PCNX2: variants seen among roughly 807,000 people sequenced by gnomAD.
PCNX2 encodes pecanex 2, also known as pecanex-like protein 2.
In PCNX2, 168 loss-of-function variants were observed where a neutral mutation model predicts 223.8. The observed-to-expected ratio is 0.75, with a 90% confidence interval of 0.66 to 0.85. The LOEUF (loss-of-function observed/expected upper bound fraction) is 0.85. Ranked by LOEUF, PCNX2 falls within the 40% of genes least tolerant of loss-of-function variation. The pLI is 0.00. For missense variants in PCNX2, 2,507 were observed against 2,675.5 expected (o/e 0.94, Z 1.39); for synonymous variants, 1,006 against 1,052.6 (o/e 0.96, Z 0.86).
chr1:233,322,133 C>T, the PCNX2 span, among the ~76,000 whole-genome samples: 1 of 152,144 alleles, frequency 6.6e-6, no homozygotes, highest in Non-Finnish European at 1.5e-5. Context: ...ACAGCCATTC[C>T]TTCTTTCCTG....
At chr1:233,030,429 T>A (rs1199992371) in intron 25 of PCNX2, among the ~76,000 whole-genome samples, 2 of 152,204 alleles carry the variant, frequency 1.3e-5, no homozygotes, top group Admixed American at 1.3e-4. Context: ...ATTTTTCTGG[T>A]TAAGAGTCAC....
At chr1:233,235,957 A>ATATATATATATAT (rs1553319645) in intron 9 of PCNX2, among the ~76,000 whole-genome samples, 21 of 93,094 alleles carry the variant, frequency 2.3e-4, no homozygotes, top group Middle Eastern at 7.9e-3. Context: ...CATAAAAAAA[A>ATATATATATATAT]ATATATATAT....
intron 15 of PCNX2, among the ~76,000 whole-genome samples, chr1:233,198,251 G>T (rs1402213137): frequency 2.0e-5 from 3 of 152,122 alleles, no homozygotes; most frequent in African/African-American, 7.2e-5. Context: ...TTTCTAATAT[G>T]GAAGACAGGA....
intron 23 of PCNX2, among the ~76,000 whole-genome samples, chr1:233,072,184 T>C (rs1029079152): frequency 4.6e-5 from 7 of 152,260 alleles, no homozygotes; most frequent in African/African-American, 1.7e-4. Context: ...TTTGTTGCAA[T>C]TGCTTTTGAT....
intron 21 of PCNX2, among the ~76,000 whole-genome samples, chr1:233,102,676 C>A (rs1404301724): frequency 6.6e-6 from 1 of 152,114 alleles, no homozygotes; most frequent in Non-Finnish European, 1.5e-5. Context: ...TGAGAAATGT[C>A]TATTCAGAAC....
In PCNX2 at chr1:233,087,342, A is replaced by G. The variant is rs1169858775; in HGVS notation, c.4076+2719T>C. 2.6e-5 allele frequency among the ~76,000 whole-genome samples: 4 copies of G among 152,298 alleles called. No homozygotes were observed. The South Asian group carries it at 6.2e-4, about 24-fold the overall frequency. On this transcript the variant is annotated intron_variant, in intron 23 of 33. Coordinates refer to ENST00000258229, the MANE Select transcript of PCNX2 (RefSeq NM_014801.4). ...ACCCCCAGCCTGGTGGCGGCAGTTC[A>G]TGGTGGTAAATGTGCTCACTAAAGC...
At chr1:233,088,203 C>T (rs1338297985) in intron 23 of PCNX2, among the ~76,000 whole-genome samples, 11 of 152,104 alleles carry the variant, frequency 7.2e-5, no homozygotes, top group African/African-American at 1.2e-4. Flanking sequence ...CTTTCCACTG[C>T]GGACACTTAA....
chr1:233,009,030 G>C (rs1257310464), intron 28 of PCNX2, among the ~76,000 whole-genome samples: 2 of 152,170 alleles, frequency 1.3e-5, no homozygotes, highest in African/African-American at 2.4e-5. Context: ...GTGGACAGCG[G>C]GACAGTGTGG....
At chr1:233,124,811 A>T (rs534121896) in intron 21 of PCNX2, among the ~76,000 whole-genome samples, 1 of 152,348 alleles carries the variant, frequency 6.6e-6, no homozygotes, top group East Asian at 1.9e-4. Context: ...CAGTAGACTA[A>T]ATCCTTCACA....
At chr1:233,294,590 A>G (rs545545645) in intron 1 of PCNX2, among the ~76,000 whole-genome samples, 47 of 152,322 alleles carry the variant, frequency 3.1e-4, no homozygotes, top group Non-Finnish European at 6.3e-4. Flanking sequence ...GTAAAGTTTA[A>G]TAAGACATGG....
intron 24 of PCNX2, among the ~76,000 whole-genome samples, 193 bp downstream of exon 24, chr1:233,057,039 C>T (rs965154479): frequency 1.3e-5 from 2 of 152,028 alleles, no homozygotes; most frequent in African/African-American, 2.4e-5. Context: ...TTCTAAATAG[C>T]GGAGCAATGC....
At chr1:233,191,406 T>C (rs1680411075) in intron 15 of PCNX2, among the ~76,000 whole-genome samples, 1 of 152,208 alleles carries the variant, frequency 6.6e-6, no homozygotes, top group African/African-American at 2.4e-5. Context: ...AGATGCTGTT[T>C]GCTATTCAGG....
chr1:233,019,423 G>A (rs1262094912), intron 26 of PCNX2, among the ~76,000 whole-genome samples: 1 of 152,206 alleles, frequency 6.6e-6, no homozygotes, highest in Non-Finnish European at 1.5e-5. Context: ...GGAAGGAAGA[G>A]AGGGAGTGAT....
At chr1:233,168,358 T>C in intron 17 of PCNX2, among the ~76,000 whole-genome samples, 1 of 152,128 alleles carries the variant, frequency 6.6e-6, no homozygotes, top group Non-Finnish European at 1.5e-5. Context: ...CTAGCTATAA[T>C]CATTATGTAT....
At chr1:233,149,425 G>T (rs1409027199) in intron 19 of PCNX2, among the ~76,000 whole-genome samples, 2 of 151,906 alleles carry the variant, frequency 1.3e-5, no homozygotes, top group East Asian at 3.9e-4. Context: ...AGGATAGAGG[G>T]CTTCCTGCTA....
intron 3 of PCNX2, among the ~76,000 whole-genome samples, chr1:233,261,665 G>A (rs905591325): frequency 2.0e-5 from 3 of 152,212 alleles, no homozygotes; most frequent in African/African-American, 7.2e-5. Flanking sequence ...AAAAAGACAA[G>A]TGTGATTTAA....
chr1:233,236,485 A>AT (rs1658420769), intron 9 of PCNX2, among the ~76,000 whole-genome samples: 2 of 148,820 alleles, frequency 1.3e-5, no homozygotes, highest in Non-Finnish European at 1.5e-5. Context: ...GCAATAATAC[A>AT]TTAAAAAAAA....
rs375694969 is a variant in PCNX2 at position 233,126,372 on chromosome 1, C to T, written c.3837+8641G>A. On this transcript the variant is annotated intron_variant, in intron 21 of 33. Coordinates refer to ENST00000258229, the MANE Select transcript of PCNX2 (RefSeq NM_014801.4). The surrounding 1 kb of genome is among the most constrained non-coding windows in gnomAD (Gnocchi z 4.8). The stretch of plus-strand genomic sequence containing the variant: ...ATTATGGTATATGCTATAGCATTCT[C>T]TGCAGGGGTCAAAAGGAAGAGGCAA... Among the ~76,000 whole-genome samples the T allele has an allele frequency of 2.6e-5, 4 of 152,110 alleles. No individual in the cohort carries two copies. Among genetic ancestry groups the T allele is most frequent in the Admixed American group, 2.0e-4 (3 of 15,276 alleles).
chr1:233,030,073 T>C (rs1358108715), intron 25 of PCNX2, among the ~76,000 whole-genome samples: 2 of 152,218 alleles, frequency 1.3e-5, no homozygotes, highest in African/African-American at 2.4e-5. Flanking sequence ...ATTACACATA[T>C]GTTAAAATAC....
Sources: allele counts gnomAD v4.1 joint callset (sites outside exome capture counted in the v4.1 genomes callset), GRCh38; gene constraint gnomAD v4.1.1; non-coding constraint Gnocchi (gnomAD v3.1); transcripts MANE v1.5; gene names NCBI Gene and HGNC (gene_info 2026-07-23, HGNC 2026-07-21).